The following CDKAL1 variants were observed in gnomAD, a reference collection of about 807,000 sequenced individuals.
CDKAL1 encodes threonylcarbamoyladenosine tRNA methylthiotransferase.
In CDKAL1, 32 loss-of-function variants were observed where a neutral mutation model predicts 68.2. The observed-to-expected ratio is 0.47, with a 90% confidence interval of 0.35 to 0.63. The LOEUF (loss-of-function observed/expected upper bound fraction) is 0.63. Among genes scored for constraint, CDKAL1 ranks in the 30% least tolerant of loss-of-function variants. The pLI, the probability that CDKAL1 is intolerant of heterozygous loss-of-function variation, is 0.00. For synonymous variants in CDKAL1, 234 were observed against 244.3 expected, an observed-to-expected ratio of 0.96 and a Z score of 0.39; for missense variants, 606 against 696.7, an observed-to-expected ratio of 0.87 and a Z score of 1.47.
At chr6:21,022,916 T>C (rs1443405058) in intron 11 of CDKAL1, among the ~76,000 whole-genome samples, 1 of 152,226 alleles carries the variant, frequency 6.6e-6, no homozygotes, top group Non-Finnish European at 1.5e-5. Flanking sequence ...GAACTCATAT[T>C]GTCCAATATA....
chr6:20,811,163 C>G (rs1776799524), intron 8 of CDKAL1, among the ~76,000 whole-genome samples: 1 of 152,114 alleles, frequency 6.6e-6, no homozygotes, highest in Non-Finnish European at 1.5e-5. Flanking sequence ...TGTGTGGATG[C>G]TACCTTATCA....
At chr6:20,569,071 A>C (rs1764595181) in intron 4 of CDKAL1, among the ~76,000 whole-genome samples, 1 of 152,220 alleles carries the variant, frequency 6.6e-6, no homozygotes, top group Admixed American at 6.5e-5. Context: ...GCCATTCATG[A>C]GAAACAAAAC....
intron 9 of CDKAL1, among the ~76,000 whole-genome samples, chr6:20,851,472 C>T (rs1452288256): frequency 6.6e-6 from 1 of 152,084 alleles, no homozygotes; most frequent in Non-Finnish European, 1.5e-5. Context: ...CCTTTCACCG[C>T]ACTGTCTCTG....
At chr6:21,123,156 T>C (rs1368499606) in intron 13 of CDKAL1, among the ~76,000 whole-genome samples, 1 of 152,120 alleles carries the variant, frequency 6.6e-6, no homozygotes, top group Non-Finnish European at 1.5e-5. Flanking sequence ...TAAGTGTCTT[T>C]AAAACTCTGA....
At chr6:20,814,261 T>G (rs556582150) in intron 8 of CDKAL1, among the ~76,000 whole-genome samples, 1 of 152,316 alleles carries the variant, frequency 6.6e-6, no homozygotes, top group East Asian at 1.9e-4. Flanking sequence ...TTTTTAATGT[T>G]AACATTGTAT....
intron 8 of CDKAL1, among the ~76,000 whole-genome samples, chr6:20,828,857 A>G (rs115335538): frequency 0.018 from 2,700 of 152,156 alleles, 35 homozygotes; most frequent in Middle Eastern, 0.034. Flanking sequence ...GTAACTCCCC[A>G]TTCCCTGCAG....
intron 13 of CDKAL1, among the ~76,000 whole-genome samples, chr6:21,195,258 G>T (rs879853056): frequency 2.1e-4 from 32 of 152,044 alleles, no homozygotes; most frequent in Non-Finnish European, 3.4e-4. Context: ...TGCCTCCCAG[G>T]TTCAAGCAAT....
chr6:20,832,171 C>G (rs975978547), intron 8 of CDKAL1, among the ~76,000 whole-genome samples: 2 of 152,084 alleles, frequency 1.3e-5, no homozygotes, highest in Admixed American at 6.5e-5. Flanking sequence ...CTAAGATAAA[C>G]ATAAACAGCA....
chr6:20,959,665 G>T (rs915928129), intron 10 of CDKAL1, among the ~76,000 whole-genome samples: 1 of 151,234 alleles, frequency 6.6e-6, no homozygotes, highest in Non-Finnish European at 1.5e-5. Context: ...ACTAATATTT[G>T]CTACTACATG....
chr6:20,682,852 T>C (rs1770444780), intron 5 of CDKAL1, among the ~76,000 whole-genome samples: 1 of 152,218 alleles, frequency 6.6e-6, no homozygotes, highest in Admixed American at 6.5e-5. Flanking sequence ...ATATCACTAG[T>C]GCTAAGTAAC....
chr6:20,855,588 A>T (rs1007517883), intron 9 of CDKAL1, among the ~76,000 whole-genome samples: 2 of 151,680 alleles, frequency 1.3e-5, no homozygotes, highest in African/African-American at 4.8e-5. Context: ...TTCCACAGCC[A>T]TTGGGGGCTG....
chr6:20,769,890 A>G (rs1488265798), intron 7 of CDKAL1, among the ~76,000 whole-genome samples: 2 of 152,204 alleles, frequency 1.3e-5, no homozygotes, highest in Admixed American at 6.5e-5. Context: ...CCCTTGTTCC[A>G]CATACCCTCC....
chr6:21,092,041 T>C (rs1254728997), intron 12 of CDKAL1, among the ~76,000 whole-genome samples: 49 of 151,398 alleles, frequency 3.2e-4, no homozygotes, highest in Non-Finnish European at 4.7e-4. Context: ...CGCCCGCCAC[T>C]ACGCCTGGCT....
chr6:20,616,142 C>A (rs1377222395), intron 4 of CDKAL1, among the ~76,000 whole-genome samples: 1 of 150,782 alleles, frequency 6.6e-6, no homozygotes, highest in Non-Finnish European at 1.5e-5. Context: ...TGATCTATAT[C>A]TCTGTTTTGG....
At chr6:20,621,433 G>A (rs150971414) in intron 4 of CDKAL1, among the ~76,000 whole-genome samples, 8 of 152,214 alleles carry the variant, frequency 5.3e-5, no homozygotes, top group Admixed American at 2.6e-4. Context: ...CCACTGTGAA[G>A]TTTACTCTTT....
At chr6:21,030,426 A>G (rs1769214636) in intron 11 of CDKAL1, among the ~76,000 whole-genome samples, 1 of 152,134 alleles carries the variant, frequency 6.6e-6, no homozygotes, top group Non-Finnish European at 1.5e-5. Flanking sequence ...GCAGACCACC[A>G]TGGCACACGT....
chr6:20,579,168 C>A (rs1765037476), intron 4 of CDKAL1, among the ~76,000 whole-genome samples: 1 of 152,008 alleles, frequency 6.6e-6, no homozygotes, highest in African/African-American at 2.4e-5. Flanking sequence ...TTGGTAGAGA[C>A]AGGGTTCAAC....
chr6:20,825,659 G>T (rs1017220327), intron 8 of CDKAL1, among the ~76,000 whole-genome samples: 3 of 151,998 alleles, frequency 2.0e-5, no homozygotes, highest in African/African-American at 7.2e-5. Flanking sequence ...TAGTACTTGT[G>T]GCATCGAAGC....
intron 13 of CDKAL1, among the ~76,000 whole-genome samples, chr6:21,180,702 G>A (rs1170989557): frequency 6.6e-6 from 1 of 151,670 alleles, no homozygotes; most frequent in Non-Finnish European, 1.5e-5. Context: ...TATTCATCTT[G>A]TATGTCTGCT....
Sources: gnomAD v4.1 joint callset for allele counts (sites outside exome capture counted in the v4.1 genomes callset) on GRCh38, gnomAD v4.1.1 for gene constraint, MANE v1.5 for transcripts, NCBI Gene and HGNC (gene_info 2026-07-23, HGNC 2026-07-21) for gene names.